Variants in FOXP2 observed in about 807,000 individuals in gnomAD.
FOXP2 encodes forkhead box protein P2.
In FOXP2, 12 loss-of-function variants were observed where a neutral mutation model predicts 115.8. The observed-to-expected ratio is 0.10, with a 90% CI of 0.07 to 0.17. The LOEUF (loss-of-function observed/expected upper bound fraction) is 0.17. Among genes scored for constraint, FOXP2 ranks in the 10% least tolerant of loss-of-function variants. The pLI is 1.00. For missense variants in FOXP2, 629 were observed against 843.5 expected (o/e 0.75, Z 3.15); for synonymous variants, 328 against 297.7 (o/e 1.10, Z -1.05).
chr7:114,120,699 T>TGC (rs1791539597), intron 1 of FOXP2, among the ~76,000 whole-genome samples: 2 of 97,472 alleles, frequency 2.1e-5, no homozygotes, highest in African/African-American at 1.3e-4. Flanking sequence ...TGTATATGTA[T>TGC]GTGTGTGTGT....
rs114223648 is a variant in FOXP2, at chr7:114,436,770, G to T, written c.168+10091G>T. 5.5e-3 allele frequency among the ~76,000 whole-genome samples: 834 copies of T among 152,130 alleles called. 4 individuals are homozygous for T. Among genetic ancestry groups the T allele is most frequent in the African/African-American group, 0.019 (798 of 41,544 alleles). On this transcript the variant is annotated intron_variant, in intron 2 of 16. Transcript: ENST00000350908. ...TACTTTGAGAGATACAACAGAGGAAGAGTGATGGTAGTAGAGGGGGTGGTC... is the reference window on the plus strand; with the variant it reads ...TACTTTGAGAGATACAACAGAGGAATAGTGATGGTAGTAGAGGGGGTGGTC...
At chr7:114,654,333 AC>A (rs1213893205) in intron 10 of FOXP2, among the ~76,000 whole-genome samples, 2 of 152,174 alleles carry the variant, frequency 1.3e-5, no homozygotes, top group Non-Finnish European at 2.9e-5. Context: ...TCTTTGAGCA[AC>A]CTGAAAAGTA....
chr7:114,093,284 C>T (rs1005009894), intron 1 of FOXP2, among the ~76,000 whole-genome samples: 16 of 152,158 alleles, frequency 1.1e-4, no homozygotes, highest in Non-Finnish European at 4.4e-5. Flanking sequence ...GGTCTCTGCT[C>T]AAACATATCC....
At chr7:114,364,773 A>T (rs771280502) in intron 2 of FOXP2, among the ~76,000 whole-genome samples, 1 of 152,162 alleles carries the variant, frequency 6.6e-6, no homozygotes, top group Non-Finnish European at 1.5e-5. Flanking sequence ...GATGAGAGTA[A>T]ATCAGTCTGT....
intron 2 of FOXP2, among the ~76,000 whole-genome samples, chr7:114,324,774 A>C (rs1797515659): frequency 6.6e-6 from 1 of 151,912 alleles, no homozygotes; most frequent in Non-Finnish European, 1.5e-5. Flanking sequence ...ATTTTTAAAA[A>C]TTGCCCCTTT....
intron 1 of FOXP2, among the ~76,000 whole-genome samples, chr7:114,229,276 A>C (rs1794814783): frequency 6.6e-6 from 1 of 151,426 alleles, no homozygotes; most frequent in South Asian, 2.1e-4. Context: ...TGATGCAAAC[A>C]TTGCCAGAAC....
intron 1 of FOXP2, among the ~76,000 whole-genome samples, chr7:114,146,071 G>A (rs1792361114): frequency 6.6e-6 from 1 of 152,182 alleles, no homozygotes; most frequent in Non-Finnish European, 1.5e-5. Context: ...AAGGTAAAGT[G>A]AAACTTGTAC....
chr7:114,146,702 A>G (rs1792381129), intron 1 of FOXP2, among the ~76,000 whole-genome samples: 3 of 152,226 alleles, frequency 2.0e-5, no homozygotes, highest in African/African-American at 7.2e-5. Flanking sequence ...CTATGATATA[A>G]ATTTGTCATG....
At chr7:114,161,976 T>C (rs1020612834), upstream of FOXP2, among the ~76,000 whole-genome samples, 43 of 152,122 alleles carry the variant, frequency 2.8e-4, no homozygotes, top group African/African-American at 1.0e-3. Flanking sequence ...AGAGACAGGG[T>C]TTCACCATGT....
intron 16 of FOXP2, among the ~76,000 whole-genome samples, chr7:114,679,789 C>A (rs1432992970): frequency 6.6e-6 from 1 of 152,150 alleles, no homozygotes; most frequent in Non-Finnish European, 1.5e-5. Context: ...CTTCATAGAG[C>A]ATTCACTGAT....
intron 2 of FOXP2, among the ~76,000 whole-genome samples, chr7:114,345,427 A>G (rs1791323166): frequency 6.6e-6 from 1 of 151,836 alleles, no homozygotes; most frequent in African/African-American, 2.4e-5. Flanking sequence ...TTTAGTCTCC[A>G]TAAGCTTAAA....
intron 6 of FOXP2, among the ~76,000 whole-genome samples, chr7:114,635,709 A>G (rs1805180554): frequency 6.6e-6 from 1 of 152,178 alleles, no homozygotes; most frequent in African/African-American, 2.4e-5. Flanking sequence ...TAACATTAAA[A>G]TGAATTTAAT....
chr7:114,252,140 C>T (rs1216890957), intron 1 of FOXP2, among the ~76,000 whole-genome samples: 1 of 152,170 alleles, frequency 6.6e-6, no homozygotes, highest in Admixed American at 6.5e-5. Context: ...AGGGATGAAG[C>T]TCTCTTGATC....
chr7:114,250,114 C>T (rs1444339645), intron 1 of FOXP2, among the ~76,000 whole-genome samples: 1 of 151,990 alleles, frequency 6.6e-6, no homozygotes, highest in East Asian at 1.9e-4. Context: ...CATGTCCCTA[C>T]AAAGGACATG....
chr7:114,676,278 G>T (rs1397290250), intron 16 of FOXP2, among the ~76,000 whole-genome samples: 1 of 151,866 alleles, frequency 6.6e-6, no homozygotes, highest in Non-Finnish European at 1.5e-5. Context: ...TAAGTTAAAG[G>T]TATCCAAATT....
chr7:114,509,517 A>G (rs1472910783), intron 2 of FOXP2, among the ~76,000 whole-genome samples: 1 of 152,062 alleles, frequency 6.6e-6, no homozygotes, highest in African/African-American at 2.4e-5. Context: ...TTCTGGGTAC[A>G]TTTTGAAGGT....
intron 2 of FOXP2, among the ~76,000 whole-genome samples, chr7:114,399,880 A>T (rs1430163127): frequency 8.2e-5 from 12 of 147,008 alleles, no homozygotes; most frequent in Admixed American, 2.7e-4. Flanking sequence ...TTTTTGAGAC[A>T]GAGTCTCACT....
At chr7:114,190,829 A>C (rs2129157278) in intron 1 of FOXP2, among the ~76,000 whole-genome samples, 1 of 152,334 alleles carries the variant, frequency 6.6e-6, no homozygotes, top group Admixed American at 6.5e-5. Flanking sequence ...AAACCAATAA[A>C]TATAAAAAGA....
chr7:114,480,498 C>T lies in FOXP2; in HGVS notation c.168+53819C>T, dbSNP rs150218437. ...GATACATTTTAAATTGTCACCATGACGCAGAAAACAGAATTTGATTTTATA... is the reference window on the plus strand; with the variant it reads ...GATACATTTTAAATTGTCACCATGATGCAGAAAACAGAATTTGATTTTATA... On this transcript the variant is annotated intron_variant, in intron 2 of 16. Transcript: ENST00000350908. 9.7e-4 allele frequency among the ~76,000 whole-genome samples: 147 copies of T among 150,784 alleles called. No homozygotes were observed. In the East Asian group the frequency reaches 9.9e-3, roughly 10 times the overall value.
Sources: allele counts gnomAD v4.1 joint callset (sites outside exome capture counted in the v4.1 genomes callset), GRCh38; gene constraint gnomAD v4.1.1; transcripts MANE v1.5; gene names NCBI Gene and HGNC (gene_info 2026-07-23, HGNC 2026-07-21).